The following LRRC37A variants were observed in gnomAD, a reference collection of about 807,000 sequenced individuals.
LRRC37A encodes leucine-rich repeat-containing protein 37A.
In LRRC37A, 3 loss-of-function variants were observed where a neutral mutation model predicts 35.4. The ratio of observed to expected loss-of-function variants is 0.08; its 90% CI spans 0.04 to 0.22. LRRC37A has a LOEUF of 0.22. Ranked by LOEUF, LRRC37A falls within the 10% of genes least tolerant of loss-of-function variation. The probability of loss-of-function intolerance (pLI) is 1.00; values close to 1 mark genes in which losing one functional copy is unlikely to be tolerated. For missense variants in LRRC37A, 67 were observed against 565.3 expected (o/e 0.12, Z 8.94); for synonymous variants, 23 against 215.0 (o/e 0.11, Z 7.81).
chr17:46,252,929 A>ACC, the LRRC37A span, among the ~76,000 whole-genome samples: 12 of 135,588 alleles, frequency 8.9e-5, no homozygotes, highest in East Asian at 2.3e-3. Flanking sequence ...CGGGGGGCTG[A>ACC]CCCCCCCACC....
At chr17:46,273,362 T>C in the LRRC37A span, among the ~76,000 whole-genome samples, 1 of 152,248 alleles carries the variant, frequency 6.6e-6, no homozygotes, top group Non-Finnish European at 1.5e-5. Context: ...TTAGTCTCTT[T>C]AGTTTGTAAA....
the LRRC37A span, among the ~76,000 whole-genome samples, chr17:46,277,745 C>CA: frequency 0.11 from 16,341 of 148,990 alleles, no homozygotes; most frequent in Non-Finnish European, 0.17. Context: ...CTCCTGGGTT[C>CA]AAATGATTTT....
At chr17:46,288,734 C>T (rs538924392), upstream of LRRC37A, among the ~76,000 whole-genome samples, 4 of 148,794 alleles carry the variant, frequency 2.7e-5, no homozygotes, top group South Asian at 8.4e-4. Context: ...GACTGGGTCT[C>T]ACTCTGTCAC....
At chr17:46,250,346 C>T in the LRRC37A span, among the ~76,000 whole-genome samples, 22,044 of 151,796 alleles carry the variant, frequency 0.15, 2,207 homozygotes, top group Non-Finnish European at 0.22. Flanking sequence ...ATACTGAGTG[C>T]CAACTTGATT....
chr17:46,259,019 A>ATTTTTTTTTTTTTCTTTTT, the LRRC37A span, among the ~76,000 whole-genome samples: 1 of 79,468 alleles, frequency 1.3e-5, no homozygotes, highest in Non-Finnish European at 2.2e-5. Flanking sequence ...CACCCGGCCT[A>ATTTTTTTTTTTTTCTTTTT]TTTTTTTTTT....
the LRRC37A span, among the ~76,000 whole-genome samples, chr17:46,279,483 CT>C: frequency 1.4e-5 from 2 of 147,176 alleles, no homozygotes; most frequent in Non-Finnish European, 3.0e-5. Flanking sequence ...CGCACCTGGC[CT>C]TTTTTTTCTT....
chr17:46,258,954 G>A, the LRRC37A span, among the ~76,000 whole-genome samples: 7 of 143,718 alleles, frequency 4.9e-5, no homozygotes, highest in African/African-American at 1.6e-4. Flanking sequence ...TCCTGACCTC[G>A]TGATCCGCCC....
Position 46,332,419 on chromosome 17 carries a change from C to T in LRRC37A, c.4705-133C>T, listed in dbSNP as rs1466170777. 2,727 of 383,332 alleles carry T rather than the reference C, an allele frequency of 7.1e-3. 23 individuals are homozygous for T. The highest frequency in any genetic ancestry group is 0.014 in the Middle Eastern group (19 of 1,382). The allele number at this position is 383,332 out of a possible 1,614,324, so 23.7% of individuals were successfully genotyped here. ...GTGAACGGTGATTGCACCACGGTAC[C>T]CAAGCCTGGGTGACAGAGTGAGACC... On this transcript the variant is annotated intron_variant, in intron 9 of 13. Coordinates refer to ENST00000320254, the Ensembl canonical transcript of LRRC37A.
At chr17:46,280,446 G>A in the LRRC37A span, among the ~76,000 whole-genome samples, 12 of 152,364 alleles carry the variant, frequency 7.9e-5, no homozygotes, top group South Asian at 2.1e-4. Context: ...GGCCAAGGTT[G>A]GCGGGAGGAT....
chr17:46,332,574 A>G (rs773305384), exon 10 of LRRC37A: 5 of 1,384,090 alleles, frequency 3.6e-6, no homozygotes, highest in Admixed American at 4.0e-5. Context: ...GTTCCAGGAT[A>G]TGGCTATACT....
At chr17:46,286,452 T>G in the LRRC37A span, among the ~76,000 whole-genome samples, 2 of 152,248 alleles carry the variant, frequency 1.3e-5, no homozygotes, top group Non-Finnish European at 2.9e-5. Context: ...ATACCCAAAT[T>G]AGTGTTTTTC....
the LRRC37A span, among the ~76,000 whole-genome samples, chr17:46,253,324 G>T: frequency 7.2e-5 from 11 of 151,890 alleles, no homozygotes; most frequent in African/African-American, 2.4e-4. Context: ...AGGCAGAGAC[G>T]CTCCTCACTT....
chr17:46,292,060 A>G (rs2532415), upstream of LRRC37A, among the ~76,000 whole-genome samples: 132,011 of 136,866 alleles, frequency 0.96, 63,922 homozygotes, highest in East Asian at 1. Context: ...GGCCAGGCCC[A>G]GTGGCTCACA....
chr17:46,262,359 CTCTTCTTCT>C, the LRRC37A span, among the ~76,000 whole-genome samples: 4 of 150,868 alleles, frequency 2.7e-5, no homozygotes, highest in Non-Finnish European at 5.9e-5. Flanking sequence ...CTCCCTTCCC[CTCTTCTTCT>C]TCTTCTTCTT....
chr17:46,266,113 A>G, the LRRC37A span, among the ~76,000 whole-genome samples: 1 of 152,230 alleles, frequency 6.6e-6, no homozygotes, highest in Non-Finnish European at 1.5e-5. Context: ...GAAATTGCCT[A>G]ACATACACAT....
the LRRC37A span, among the ~76,000 whole-genome samples, chr17:46,267,893 CTTTTTTTT>C: frequency 3.4e-5 from 3 of 89,282 alleles, no homozygotes; most frequent in East Asian, 4.6e-4. Flanking sequence ...ACTCCCACAT[CTTTTTTTT>C]TTTTTTTTTT....
rs1174266602 is a variant in LRRC37A at position 46,332,831 on chromosome 17, G to A, written c.4809+175G>A. ...TCTTTTATTGCAGTGTATATTTCAG[G>A]ATTTTTAAAGGATCCTCGCTTTCAG... On this transcript the variant is annotated intron_variant, in intron 10 of 13. Transcript: ENST00000320254. The A allele has an allele frequency of 5.0e-6, 2 of 402,902 alleles. 1 individual carries two copies. Among genetic ancestry groups the A allele is most frequent in the African/African-American group, 4.2e-5 (2 of 47,204 alleles). The allele number at this position is 402,902 out of a possible 1,614,324, so 25.0% of individuals were successfully genotyped here.
At chr17:46,276,364 C>T in the LRRC37A span, among the ~76,000 whole-genome samples, 1 of 152,192 alleles carries the variant, frequency 6.6e-6, no homozygotes, top group Non-Finnish European at 1.5e-5. Context: ...AAATTTTTTA[C>T]CACTATACAT....
chr17:46,288,925 G>A (rs2049992973), upstream of LRRC37A, among the ~76,000 whole-genome samples: 1 of 152,124 alleles, frequency 6.6e-6, no homozygotes, highest in Non-Finnish European at 1.5e-5. Flanking sequence ...GGCTAGCCTT[G>A]AACTCCTGAC....
Sources: allele counts gnomAD v4.1 joint callset (sites outside exome capture counted in the v4.1 genomes callset), GRCh38; gene constraint gnomAD v4.1.1; transcripts MANE v1.5; gene names NCBI Gene and HGNC (gene_info 2026-07-23, HGNC 2026-07-21).